MEGF10: variants seen among roughly 807,000 people sequenced by gnomAD.
The protein encoded by MEGF10 is multiple epidermal growth factor-like domains protein 10.
Under a neutral mutation model 147.5 loss-of-function variants are expected in MEGF10, and 86 were observed. The observed-to-expected ratio is 0.58, with a 90% CI of 0.49 to 0.70. The LOEUF (loss-of-function observed/expected upper bound fraction) is 0.70, where lower values mean the gene tolerates loss of function less well. Ranked by LOEUF, MEGF10 falls within the 30% of genes least tolerant of loss-of-function variation. The probability of loss-of-function intolerance (pLI) is 0.00; values close to 1 mark genes in which losing one functional copy is unlikely to be tolerated. For synonymous variants in MEGF10, 478 were observed against 525.5 expected (o/e 0.91, Z 1.24); for missense variants, 1,329 against 1,487.3 (o/e 0.89, Z 1.75).
At chr5:127,266,350 A>G in the MEGF10 span, among the ~76,000 whole-genome samples, 1 of 152,106 alleles carries the variant, frequency 6.6e-6, no homozygotes, top group African/African-American at 2.4e-5. Context: ...GAAGTCAGGT[A>G]GCATGATGCC....
chr5:127,273,000 G>T, the MEGF10 span, among the ~76,000 whole-genome samples: 40 of 152,182 alleles, frequency 2.6e-4, no homozygotes, highest in South Asian at 4.1e-4. Context: ...GTGAGAGAGG[G>T]CAATCTCTAG....
chr5:127,363,705 C>A (rs1467150285), intron 4 of MEGF10, among the ~76,000 whole-genome samples: 1 of 152,162 alleles, frequency 6.6e-6, no homozygotes, highest in Non-Finnish European at 1.5e-5. Flanking sequence ...GCTCTTTGTA[C>A]TTGCCCTTAA....
chr5:127,395,888 C>T (rs1257269380), intron 5 of MEGF10, among the ~76,000 whole-genome samples: 1 of 152,104 alleles, frequency 6.6e-6, no homozygotes, highest in Non-Finnish European at 1.5e-5. Flanking sequence ...GGACTCAGGA[C>T]TCTGGCCCAG....
chr5:127,240,351 C>T, the MEGF10 span, among the ~76,000 whole-genome samples: 1 of 152,202 alleles, frequency 6.6e-6, no homozygotes, highest in Non-Finnish European at 1.5e-5. Flanking sequence ...TTATAATTCT[C>T]TGTGATTGGC....
chr5:127,263,309 G>C, the MEGF10 span, among the ~76,000 whole-genome samples: 88 of 144,060 alleles, frequency 6.1e-4, no homozygotes, highest in African/African-American at 1.6e-3. Flanking sequence ...GGGATTCTCG[G>C]GGGGGGGGTA....
At chr5:127,286,053 C>A (rs1404407474), upstream of MEGF10, among the ~76,000 whole-genome samples, 1 of 152,024 alleles carries the variant, frequency 6.6e-6, no homozygotes, top group Non-Finnish European at 1.5e-5. Flanking sequence ...AAGCCAAGTA[C>A]AGAAAGAGGA....
chr5:127,353,557 C>A (rs146169532), intron 4 of MEGF10, among the ~76,000 whole-genome samples: 10 of 152,178 alleles, frequency 6.6e-5, no homozygotes, highest in Admixed American at 1.3e-4. Context: ...GCAGAGAAAG[C>A]GAATCATTGT....
intron 1 of MEGF10, among the ~76,000 whole-genome samples, chr5:127,319,147 C>T (rs1269015562): frequency 2.0e-5 from 3 of 151,206 alleles, no homozygotes; most frequent in Non-Finnish European, 2.9e-5. Flanking sequence ...ATGATCTCGG[C>T]TCACTGCAAC....
intron 13 of MEGF10, among the ~76,000 whole-genome samples, chr5:127,428,571 T>C (rs1375310991): frequency 6.6e-6 from 1 of 152,216 alleles, no homozygotes; most frequent in Admixed American, 6.5e-5. Context: ...GCAGAAAAAG[T>C]GTTGTGACTA....
intron 2 of MEGF10, among the ~76,000 whole-genome samples, chr5:127,337,017 T>C (rs1211998789): frequency 1.3e-5 from 2 of 152,054 alleles, no homozygotes; most frequent in East Asian, 1.9e-4. Flanking sequence ...CTTTAAACAA[T>C]GAGAGTCAGA....
intron 17 of MEGF10, 80 bp from the exon 18 acceptor site, chr5:127,440,659 C>G: frequency 6.7e-7 from 1 of 1,487,308 alleles, no homozygotes; most frequent in Non-Finnish European, 9.2e-7. Flanking sequence ...AGTTTAAACA[C>G]AAATATGTTG....
chr5:127,334,820 G>A (rs1339706404), intron 2 of MEGF10, among the ~76,000 whole-genome samples: 2 of 152,138 alleles, frequency 1.3e-5, no homozygotes, highest in Non-Finnish European at 2.9e-5. Context: ...AGAAGGGAGA[G>A]TAATTGAATC....
At chr5:127,231,025 A>G in the MEGF10 span, among the ~76,000 whole-genome samples, 5 of 152,204 alleles carry the variant, frequency 3.3e-5, no homozygotes, top group South Asian at 1.0e-3. Context: ...AAATCTGGAC[A>G]CTATCTTGGT....
At chr5:127,407,432 A>G (rs1435358655) in intron 8 of MEGF10, among the ~76,000 whole-genome samples, 2 of 152,164 alleles carry the variant, frequency 1.3e-5, no homozygotes, top group Non-Finnish European at 2.9e-5. Context: ...AATAGAAACA[A>G]TATTAAAACC....
At chr5:127,282,141 G>T in the MEGF10 span, among the ~76,000 whole-genome samples, 1 of 152,160 alleles carries the variant, frequency 6.6e-6, no homozygotes, top group Non-Finnish European at 1.5e-5. Context: ...CTTCATCACT[G>T]TGATTATTTC....
intron 4 of MEGF10, among the ~76,000 whole-genome samples, chr5:127,359,879 C>A (rs1222630716): frequency 6.6e-6 from 1 of 152,020 alleles, no homozygotes; most frequent in South Asian, 2.1e-4. Flanking sequence ...GCTTTCATTT[C>A]TCTTGGGTAA....
At chr5:127,426,569 A>G (rs1488578374) in intron 13 of MEGF10, among the ~76,000 whole-genome samples, 1 of 151,826 alleles carries the variant, frequency 6.6e-6, no homozygotes, top group African/African-American at 2.4e-5. Context: ...GACCTCTGGT[A>G]CACACACACA....
chr5:127,262,669 C>T, the MEGF10 span, among the ~76,000 whole-genome samples: 2 of 152,160 alleles, frequency 1.3e-5, no homozygotes, highest in African/African-American at 4.8e-5. Context: ...GATCCCAGCT[C>T]ACTCTATTTT....
At chr5:127,343,782 C>G (rs1306576785) in intron 4 of MEGF10, among the ~76,000 whole-genome samples, 2 of 151,570 alleles carry the variant, frequency 1.3e-5, no homozygotes, top group Non-Finnish European at 2.9e-5. Flanking sequence ...GAGACCCCGT[C>G]TCTTAAAAAA....
Sources: allele counts gnomAD v4.1 joint callset (sites outside exome capture counted in the v4.1 genomes callset), GRCh38; gene constraint gnomAD v4.1.1; transcripts MANE v1.5; gene names NCBI Gene and HGNC (gene_info 2026-07-23, HGNC 2026-07-21).